Variants in IGF2BP1 observed in about 807,000 individuals in gnomAD.
IGF2BP1 encodes insulin like growth factor 2 mRNA binding protein 1, also known as insulin-like growth factor 2 mRNA-binding protein 1.
Under a neutral mutation model 74.9 loss-of-function variants are expected in IGF2BP1, and 11 were observed. The observed-to-expected ratio is 0.15, with a 90% CI of 0.09 to 0.24. The LOEUF (loss-of-function observed/expected upper bound fraction) is 0.24. Among genes scored for constraint, IGF2BP1 ranks in the 10% least tolerant of loss-of-function variants. The pLI is 1.00. For missense variants in IGF2BP1, 440 were observed against 757.4 expected (o/e 0.58, Z 4.92); for synonymous variants, 287 against 281.8 (o/e 1.02, Z -0.18).
rs752711229 is a variant in IGF2BP1, at chr17:49,042,300, G to C, written c.1000G>C (p.Glu334Gln). The stretch of plus-strand genomic sequence containing the variant: ...GACCATCACTGTGAAGGGGGCCATC[G>C]AGAATTGTTGCAGGGCCGAGCAGGA... ...ERTITVKGAI[E>Q]NCCRAEQEIM... The change falls in exon 9 of 15, where the codon GAG becomes CAG. Residue 334 changes from glutamate (E) to glutamine (Q), a missense_variant. Glu to Gln is a conservative substitution (Grantham distance 29). Coordinates refer to ENST00000290341, the MANE Select transcript of IGF2BP1 (RefSeq NM_006546.4). 2 of 1,614,058 alleles carry C rather than the reference G, an allele frequency of 1.2e-6. No individual in the cohort carries two copies. The highest frequency in any genetic ancestry group is 1.7e-6 in the Non-Finnish European group (2 of 1,179,982).
chr17:49,024,264 T>TA (rs2041826461), intron 2 of IGF2BP1, among the ~76,000 whole-genome samples: 1 of 151,834 alleles, frequency 6.6e-6, no homozygotes, highest in African/African-American at 2.4e-5. Context: ...AAGAAGAAAT[T>TA]ACCTGGGCAT....
intron 2 of IGF2BP1, among the ~76,000 whole-genome samples, chr17:49,020,532 C>A (rs1259446534): frequency 6.6e-6 from 1 of 152,200 alleles, no homozygotes; most frequent in African/African-American, 2.4e-5. Context: ...GAACCCAAAG[C>A]CTGTTTGAAT....
chr17:49,016,684 C>T (rs1303938640), intron 2 of IGF2BP1, among the ~76,000 whole-genome samples: 4 of 152,124 alleles, frequency 2.6e-5, no homozygotes, highest in Admixed American at 2.6e-4. Context: ...CACACTCTGG[C>T]TTTCTTCGTG....
intron 7 of IGF2BP1, 108 bp downstream of exon 7, chr17:49,040,199 T>G: frequency 2.4e-6 from 3 of 1,226,474 alleles, no homozygotes; most frequent in South Asian, 2.9e-5. Context: ...CAGTCAGCAA[T>G]TGCACAAAAA....
intron 8 of IGF2BP1, among the ~76,000 whole-genome samples, chr17:49,041,805 AG>A (rs1298201338): frequency 6.6e-6 from 1 of 152,166 alleles, no homozygotes; most frequent in African/African-American, 2.4e-5. Flanking sequence ...CCAGGGATTC[AG>A]GGCTTTAGGC....
intron 8 of IGF2BP1, 128 bp downstream of exon 8, chr17:49,041,628 C>T (rs1340051447): frequency 4.0e-6 from 5 of 1,259,054 alleles, no homozygotes; most frequent in African/African-American, 1.5e-5. Flanking sequence ...TGAAGAAAAA[C>T]AGTCGAAGTG....
intron 12 of IGF2BP1, 41 bp from the exon 13 acceptor site, chr17:49,045,849 G>A: frequency 6.3e-7 from 1 of 1,597,432 alleles, no homozygotes. Context: ...TTTTGTCACA[G>A]ATATATGAAC....
rs1406345741 is a variant in IGF2BP1 at position 49,026,643 on chromosome 17, TCCTGCCTG to T, written c.337+130_337+137del. 3.8e-5 allele frequency: 21 copies of T among 553,570 alleles called. No individual in the cohort carries two copies. In the African/African-American group the frequency reaches 4.2e-4, roughly 11 times the overall value. 34.3% of individuals were successfully genotyped at this position (553,570 alleles called of 1,614,324 possible). A position where few individuals can be genotyped will look rare whatever the true frequency, so the allele number is the denominator to read the frequency against. ...TTCCTTCCTTCCTTCCTGCCTTCCT[TCCTGCCTG>T]CCTTCCTGCCTTCCTGCCTTCCTTC... On this transcript the variant is annotated intron_variant, in intron 4 of 14. Transcript: ENST00000290341.
chr17:49,007,287 C>A (rs887543534), intron 2 of IGF2BP1, among the ~76,000 whole-genome samples: 1 of 152,196 alleles, frequency 6.6e-6, no homozygotes, highest in Admixed American at 6.5e-5. Context: ...TTCCCTACTT[C>A]TTCTGCTTCT....
At chr17:49,018,871 TG>T (rs979578517) in intron 2 of IGF2BP1, among the ~76,000 whole-genome samples, 4 of 152,084 alleles carry the variant, frequency 2.6e-5, no homozygotes, top group African/African-American at 9.7e-5. Context: ...AAGCTTGGCC[TG>T]GGGGAGGGGT....
In IGF2BP1 at chr17:48,997,695, C is replaced by T. The variant is rs555869892; in HGVS notation, c.-51C>T. The T allele has an allele frequency of 8.2e-5, 129 of 1,582,630 alleles. No homozygotes were observed. Among genetic ancestry groups the T allele is most frequent in the South Asian group, 3.6e-4 (31 of 86,614 alleles). On this transcript the variant is annotated 5_prime_UTR_variant, in exon 1 of 15. Coordinates refer to ENST00000290341, the MANE Select transcript of IGF2BP1 (RefSeq NM_006546.4). The surrounding 1 kb of genome is among the most constrained non-coding windows in gnomAD (Gnocchi z 4.8). Reference sequence around the variant, plus strand: ...TGGCCTAGGAGGCTCGCCGCCCGCGCCCGCTCGTTCGGCCTTGCCCGGGAC... The same window carrying T: ...TGGCCTAGGAGGCTCGCCGCCCGCGTCCGCTCGTTCGGCCTTGCCCGGGAC...
chr17:49,033,319 A>T, intron 5 of IGF2BP1, among the ~76,000 whole-genome samples: 1 of 146,732 alleles, frequency 6.8e-6, no homozygotes, highest in East Asian at 2.0e-4. Context: ...CGGCTGGCTA[A>T]TTTTTTTTTT....
chr17:49,043,113 A>C (rs1257083827), intron 9 of IGF2BP1, among the ~76,000 whole-genome samples: 1 of 152,158 alleles, frequency 6.6e-6, no homozygotes, highest in Non-Finnish European at 1.5e-5. Context: ...GTATAGTGTC[A>C]TGGGTCTATC....
At chr17:49,015,019 C>T (rs1160775140) in intron 2 of IGF2BP1, 3 of 832,146 alleles carry the variant, frequency 3.6e-6, no homozygotes, top group Non-Finnish European at 4.3e-6. Context: ...TCTGAAACCC[C>T]GAGTGCCTGA....
chr17:49,018,644 A>G (rs2041738559), intron 2 of IGF2BP1, among the ~76,000 whole-genome samples: 1 of 151,920 alleles, frequency 6.6e-6, no homozygotes, highest in South Asian at 2.1e-4. Context: ...TTTTATCCTA[A>G]TAGGAACTGT....
At chr17:49,043,277 G>A in intron 9 of IGF2BP1, 151 bp from the exon 10 acceptor site, 1 of 870,532 alleles carries the variant, frequency 1.1e-6, no homozygotes, top group Non-Finnish European at 1.8e-6. Context: ...GAGAGTGTAT[G>A]AAAAGCACAG....
At position 49,055,642 on chromosome 17, in the gene IGF2BP1, A is replaced by G. The variant is rs886256176; in HGVS notation, c.*6198A>G. ...TTACCATAATGAATAAACGTCCTCT[A>G]TCACCATTTGGAGTCTCCCTTTTCT... On this transcript the variant is annotated 3_prime_UTR_variant, in exon 15 of 15. Transcript: ENST00000290341. 5 of 398,600 alleles carry G rather than the reference A, an allele frequency of 1.3e-5. No individual in the cohort carries two copies. Among genetic ancestry groups the G allele is most frequent in the Non-Finnish European group, 2.2e-5 (5 of 226,052 alleles). The allele number at this position is 398,600 out of a possible 1,614,324, so 24.7% of individuals were successfully genotyped here. A position where few individuals can be genotyped will look rare whatever the true frequency, so the allele number is the denominator to read the frequency against.
chr17:49,014,655 C>T, intron 2 of IGF2BP1: 1 of 457,256 alleles, frequency 2.2e-6, no homozygotes, highest in Non-Finnish European at 2.9e-6. Context: ...TTTCCCACCG[C>T]AGGTCATGGT....
In IGF2BP1 at chr17:49,056,065, C is replaced by T. The variant is rs1422238873; in HGVS notation, c.*6621C>T. ...GAACGAACACTCCAGTTTTCTTTCCCGTGAAGGTTGTTTCAGCCACAAACC... is the reference window on the plus strand; with the variant it reads ...GAACGAACACTCCAGTTTTCTTTCCTGTGAAGGTTGTTTCAGCCACAAACC... On this transcript the variant is annotated 3_prime_UTR_variant, in exon 15 of 15. Coordinates refer to ENST00000290341, the MANE Select transcript of IGF2BP1 (RefSeq NM_006546.4). Among the ~76,000 whole-genome samples the T allele has an allele frequency of 2.0e-5, 3 of 151,712 alleles. No homozygotes were observed. In the East Asian group the frequency reaches 5.8e-4, roughly 29 times the overall value.
Sources: gnomAD v4.1 joint callset for allele counts (sites outside exome capture counted in the v4.1 genomes callset) on GRCh38, gnomAD v4.1.1 for gene constraint, Gnocchi (gnomAD v3.1) non-coding constraint, MANE v1.5 for transcripts, NCBI Gene and HGNC (gene_info 2026-07-23, HGNC 2026-07-21) for gene names.